CEP97: variants seen among roughly 807,000 people sequenced by gnomAD.
CEP97 encodes the protein centrosomal protein of 97 kDa.
In CEP97, 43 loss-of-function variants were observed where a neutral mutation model predicts 73.1. That is an observed-to-expected ratio of 0.59 (90% CI 0.46 to 0.76). CEP97 has a LOEUF of 0.76. Among genes scored for constraint, CEP97 ranks in the 30% least tolerant of loss-of-function variants. The probability of loss-of-function intolerance (pLI) is 0.00; values close to 1 mark genes in which losing one functional copy is unlikely to be tolerated. For missense variants in CEP97, 939 were observed against 1,014.0 expected (o/e 0.93, Z 1.00); for synonymous variants, 337 against 370.0 (o/e 0.91, Z 1.02).
intron 9 of CEP97, among the ~76,000 whole-genome samples, chr3:101,761,130 G>A (rs1939162282): frequency 6.6e-6 from 1 of 152,098 alleles, no homozygotes; most frequent in Non-Finnish European, 1.5e-5. Context: ...GCCTCCCAAA[G>A]TGCTGGGATT....
In CEP97 at chr3:101,764,881, A is replaced by G. The variant is rs770782301; in HGVS notation, c.1928A>G (p.Asp643Gly). The G allele has an allele frequency of 7.9e-5, 127 of 1,613,096 alleles. No individual in the cohort carries two copies. Among genetic ancestry groups the G allele is most frequent in the Middle Eastern group, 3.3e-4 (2 of 6,078 alleles). ...CTACAGGTTTGGCAACAGACAGTGG[A>G]CCAGCGTCTAAGTTCCTGGCATACT... Reference protein sequence around the residue: ...RSLQVWQQTVDQRLSSWHTDV... With the variant: ...RSLQVWQQTVGQRLSSWHTDV... The change falls in exon 11 of 11, where the codon GAC becomes GGC. Residue 643 changes from aspartate (D) to glycine (G), a missense_variant. Physicochemically the swap from Asp to Gly is moderately conservative, Grantham distance 94. Coordinates refer to ENST00000341893, the MANE Select transcript of CEP97 (RefSeq NM_024548.4).
chr3:101,760,765 C>T (rs949091881), intron 9 of CEP97, among the ~76,000 whole-genome samples: 4 of 152,116 alleles, frequency 2.6e-5, no homozygotes, highest in Non-Finnish European at 5.9e-5. Context: ...GTCTTGAACT[C>T]CTGGCCTCAA....
At chr3:101,753,403 G>A (rs934832939) in intron 6 of CEP97, among the ~76,000 whole-genome samples, 5 of 152,126 alleles carry the variant, frequency 3.3e-5, no homozygotes, top group African/African-American at 1.2e-4. Context: ...TCTCCAGCTG[G>A]GTGCTGGGAG....
chr3:101,768,160 TG>T lies in CEP97; in HGVS notation c.*2610del, dbSNP rs1939364655. On this transcript the variant is annotated 3_prime_UTR_variant, in exon 11 of 11. Transcript: ENST00000341893. Reference sequence around the variant, plus strand: ...CCTGCAGAAGCACAGAATCATACCATGTAAGAGTTGGAAGGAAGCTTAAGAG... The same window carrying T: ...CCTGCAGAAGCACAGAATCATACCATTAAGAGTTGGAAGGAAGCTTAAGAG... 1 of 152,246 alleles carries T rather than the reference TG, an allele frequency of 6.6e-6. No homozygotes were observed. The highest frequency in any genetic ancestry group is 2.1e-4 in the South Asian group (1 of 4,834). 9.4% of individuals were successfully genotyped at this position (152,246 alleles called of 1,614,324 possible).
At chr3:101,762,699 C>T (rs1939205394) in intron 10 of CEP97, 139 bp downstream of exon 10, 2 of 557,878 alleles carry the variant, frequency 3.6e-6, no homozygotes, top group African/African-American at 2.0e-5. Flanking sequence ...TCGCCACTAA[C>T]TGTGAACTAG....
intron 6 of CEP97, among the ~76,000 whole-genome samples, chr3:101,745,813 G>A (rs1938595772): frequency 1.3e-5 from 2 of 151,706 alleles, no homozygotes; most frequent in Admixed American, 6.6e-5. Context: ...GTGCAGGTTA[G>A]TTACATATGT....
intron 4 of CEP97, 33 bp from the exon 5 acceptor site, chr3:101,731,807 T>G (rs984029829): frequency 8.1e-7 from 1 of 1,231,874 alleles, no homozygotes; most frequent in African/African-American, 1.5e-5. Flanking sequence ...TGTAATCTTT[T>G]CATTTGTAAT....
intron 9 of CEP97, among the ~76,000 whole-genome samples, chr3:101,760,286 A>G (rs771357935): frequency 6.6e-6 from 1 of 152,158 alleles, no homozygotes; most frequent in Non-Finnish European, 1.5e-5. Context: ...GGTGTGAGGT[A>G]GTTATCTTAA....
At chr3:101,752,930 C>T (rs1454310505) in intron 6 of CEP97, among the ~76,000 whole-genome samples, 2 of 152,180 alleles carry the variant, frequency 1.3e-5, no homozygotes, top group Admixed American at 6.5e-5. Flanking sequence ...TGTTCCGTTG[C>T]TGGTGAGGAA....
In CEP97 at chr3:101,769,108, CT is replaced by C. The variant is rs1167032950; in HGVS notation, c.*3558del. ...TCCTGTTATCTACTTAAGTCTAGTT[CT>C]ACTTTTTCCCAATAATTTCAGGAAA... On this transcript the variant is annotated 3_prime_UTR_variant, in exon 11 of 11. Coordinates refer to ENST00000341893, the MANE Select transcript of CEP97 (RefSeq NM_024548.4). 1 of 152,048 alleles carries C rather than the reference CT, an allele frequency of 6.6e-6. No homozygotes were observed. The highest frequency in any genetic ancestry group is 2.4e-5 in the African/African-American group (1 of 41,378). 9.4% of individuals were successfully genotyped at this position (152,048 alleles called of 1,614,324 possible). A position where few individuals can be genotyped will look rare whatever the true frequency, so the allele number is the denominator to read the frequency against.
At chr3:101,725,871 T>G (rs1232354309) in intron 1 of CEP97, among the ~76,000 whole-genome samples, 2 of 134,846 alleles carry the variant, frequency 1.5e-5, no homozygotes, top group Non-Finnish European at 1.7e-5. Flanking sequence ...AGTCCTTTTT[T>G]TTTTTGTTTT....
intron 8 of CEP97, 140 bp downstream of exon 8, chr3:101,757,336 C>A: frequency 2.3e-5 from 20 of 882,008 alleles, no homozygotes; most frequent in Non-Finnish European, 3.1e-5. Context: ...TTATACATAT[C>A]TATGTATAAA....
chr3:101,731,892 AC>A lies in CEP97; in HGVS notation c.502del (p.Leu168TyrfsTer18). ...IITSLRMAPA[Y>X]LPRSLAILSL... ...ACCTCTCTTAGAATGGCACCTGCTT[AC>A]CTACCCAGAAGTCTTGCTATACTTT... is the stretch of plus-strand genomic sequence containing the variant. On this transcript the variant is annotated frameshift_variant, in exon 5 of 11. Coordinates refer to ENST00000341893, the MANE Select transcript of CEP97 (RefSeq NM_024548.4). LOFTEE classifies it high-confidence loss of function. 6.2e-7 allele frequency: 1 copy of A among 1,612,738 alleles called. No homozygotes were observed. The highest frequency in any genetic ancestry group is 8.5e-7 in the Non-Finnish European group (1 of 1,178,720).
At chr3:101,744,427 T>G (rs1938552522) in intron 6 of CEP97, among the ~76,000 whole-genome samples, 1 of 151,768 alleles carries the variant, frequency 6.6e-6, no homozygotes, top group South Asian at 2.1e-4. Context: ...CTACTAAAAA[T>G]ACAAAATTAG....
At position 101,724,687 on chromosome 3, in the gene CEP97, C is replaced by T; in HGVS notation, c.11C>T (p.Ala4Val). The T allele has an allele frequency of 6.2e-7, 1 of 1,613,920 alleles. No homozygotes were observed. Among genetic ancestry groups the T allele is most frequent in the Non-Finnish European group, 8.5e-7 (1 of 1,179,866 alleles). The stretch of plus-strand genomic sequence containing the variant: ...TAGCAAGCAGCAAATATGGCGGTGG[C>T]GCGCGTGGACGCGGCTTTGCCTCCC... MAV[A>V]RVDAALPPGE... Residue 4 changes from alanine (A) to valine (V), a missense_variant, in exon 1 of 11, where the codon GCG (alanine) becomes GTG (valine). Physicochemically the swap from Ala to Val is moderately conservative, Grantham distance 64. Coordinates refer to ENST00000341893, the MANE Select transcript of CEP97 (RefSeq NM_024548.4).
chr3:101,752,705 A>G (rs1308648991), intron 6 of CEP97, among the ~76,000 whole-genome samples: 1 of 152,110 alleles, frequency 6.6e-6, no homozygotes, highest in Admixed American at 6.5e-5. Context: ...AGTCTTCTGC[A>G]TTCTTCACGT....
intron 5 of CEP97, among the ~76,000 whole-genome samples, 167 bp downstream of exon 5, chr3:101,732,120 T>A (rs1320300350): frequency 6.6e-6 from 1 of 152,108 alleles, no homozygotes; most frequent in Non-Finnish European, 1.5e-5. Context: ...TGTCAGTGGG[T>A]CATTAAGGTC....
intron 6 of CEP97, among the ~76,000 whole-genome samples, chr3:101,738,707 C>A (rs1015868982): frequency 2.6e-5 from 4 of 152,102 alleles, no homozygotes; most frequent in African/African-American, 9.7e-5. Context: ...AAATTTATAG[C>A]ACCAAAAGCC....
intron 6 of CEP97, among the ~76,000 whole-genome samples, chr3:101,747,072 C>T (rs1035865161): frequency 2.0e-5 from 3 of 148,732 alleles, no homozygotes; most frequent in Admixed American, 6.8e-5. Flanking sequence ...CACTTTTACA[C>T]TGTTGGTGGG....
Sources: gnomAD v4.1 joint callset for allele counts (sites outside exome capture counted in the v4.1 genomes callset) on GRCh38, gnomAD v4.1.1 for gene constraint, MANE v1.5 for transcripts, NCBI Gene and HGNC (gene_info 2026-07-23, HGNC 2026-07-21) for gene names.